PHF19: variants seen among roughly 807,000 people sequenced by gnomAD.
The protein encoded by PHF19 is polycomb like 3.
Under a neutral mutation model 79.8 loss-of-function variants are expected in PHF19, and 21 were observed. The ratio of observed to expected loss-of-function variants is 0.26; its 90% CI spans 0.19 to 0.38. The LOEUF (loss-of-function observed/expected upper bound fraction) is 0.38. PHF19 is among the 10% of genes least tolerant of loss of function. The probability of loss-of-function intolerance (pLI) is 1.00; values close to 1 mark genes in which losing one functional copy is unlikely to be tolerated. For missense variants in PHF19, 445 were observed against 744.2 expected (o/e 0.60, Z 4.68); for synonymous variants, 273 against 296.3 (o/e 0.92, Z 0.81).
chr9:120,877,310 G>A (rs1223733769), upstream of PHF19: 10 of 974,352 alleles, frequency 1.0e-5, no homozygotes, highest in East Asian at 9.2e-4. Context: ...CCCCCCGGGC[G>A]CGGGGCGCCA....
chr9:120,872,524 C>CTA (rs2131552317), intron 3 of PHF19, among the ~76,000 whole-genome samples: 1 of 152,220 alleles, frequency 6.6e-6, no homozygotes, highest in South Asian at 2.1e-4. Context: ...TTATATAATA[C>CTA]TATTTCAGGG....
Position 120,862,822 on chromosome 9 carries a change from T to C in PHF19, c.969-73A>G, listed in dbSNP as rs1160103434. 2.8e-6 allele frequency: 4 copies of C among 1,421,250 alleles called. No homozygotes were observed. The East Asian group carries it at 9.1e-5, about 32-fold the overall frequency. 88.0% of individuals were successfully genotyped at this position (1,421,250 alleles called of 1,614,324 possible). On this transcript the variant is annotated intron_variant, in intron 10 of 14. Coordinates refer to ENST00000373896, the MANE Select transcript of PHF19 (RefSeq NM_015651.3). This position sits in a 1 kb window ranked among gnomAD's most constrained non-coding sequence, Gnocchi z 4.6. Reference sequence around the variant, plus strand: ...TCCTCCTGGGGAGTGGGGTCAAGCATGACACAAGCCTCTCTGCCTCCTTGG... The same window carrying C: ...TCCTCCTGGGGAGTGGGGTCAAGCACGACACAAGCCTCTCTGCCTCCTTGG...
intron 6 of PHF19, among the ~76,000 whole-genome samples, chr9:120,867,748 G>C (rs376222302): frequency 6.6e-6 from 1 of 152,360 alleles, no homozygotes; most frequent in South Asian, 2.1e-4. Flanking sequence ...TTTGAGAGAT[G>C]AAGTAGTTCA....
upstream of PHF19, among the ~76,000 whole-genome samples, chr9:120,878,672 G>A (rs1485055049): frequency 1.3e-5 from 2 of 152,092 alleles, no homozygotes; most frequent in Non-Finnish European, 2.9e-5. Context: ...TCTGCCCCTT[G>A]ATCCCCCTGC....
Position 120,869,752 on chromosome 9 carries a change from CTG to C in PHF19, c.465+91_465+92del. 1.3e-6 allele frequency: 2 copies of C among 1,588,326 alleles called. No individual in the cohort carries two copies. The highest frequency in any genetic ancestry group is 1.7e-6 in the Non-Finnish European group (2 of 1,167,236). On this transcript the variant is annotated intron_variant, in intron 5 of 14. Transcript: ENST00000373896. The surrounding 1 kb of genome is among the most constrained non-coding windows in gnomAD (Gnocchi z 5.8). ...TCTCCAAAGCCCAGGTGTGGCCCTT[CTG>C]CTTGGAGCTCAGACTCTGTGATGGG...
In PHF19 at chr9:120,860,497, T is replaced by A; in HGVS notation, c.1305-312A>T. ...GTGCTTTCATTTGCATTATCTTGTTTGAGGAAAAGAGCTGAGGAGGTTCAG... is the reference window on the plus strand; with the variant it reads ...GTGCTTTCATTTGCATTATCTTGTTAGAGGAAAAGAGCTGAGGAGGTTCAG... On this transcript the variant is annotated intron_variant, in intron 13 of 14. Coordinates refer to ENST00000373896, the MANE Select transcript of PHF19 (RefSeq NM_015651.3). This position sits in a 1 kb window ranked among gnomAD's most constrained non-coding sequence, Gnocchi z 4.1. The A allele has an allele frequency of 2.7e-6, 1 of 368,944 alleles. No homozygotes were observed. The highest frequency in any genetic ancestry group is 5.2e-6 in the Non-Finnish European group (1 of 193,130). The allele number at this position is 368,944 out of a possible 1,614,324, so 22.9% of individuals were successfully genotyped here.
chr9:120,899,524 C>G (rs2046424332), upstream of PHF19, among the ~76,000 whole-genome samples: 1 of 151,784 alleles, frequency 6.6e-6, no homozygotes, highest in Non-Finnish European at 1.5e-5. Context: ...TAAAAAGATT[C>G]TGTTATTCTT....
chr9:120,864,816 A>G (rs2045649256), intron 9 of PHF19, among the ~76,000 whole-genome samples: 1 of 152,234 alleles, frequency 6.6e-6, no homozygotes, highest in African/African-American at 2.4e-5. Context: ...AGATATACAT[A>G]GAAGAGAGTC....
At chr9:120,881,374 C>G (rs1014629610), upstream of PHF19, among the ~76,000 whole-genome samples, 7 of 152,086 alleles carry the variant, frequency 4.6e-5, no homozygotes, top group Non-Finnish European at 8.8e-5. Flanking sequence ...GTCTTGATCT[C>G]CTGACCTCGT....
At chr9:120,878,974 G>A (rs1038655993), upstream of PHF19, among the ~76,000 whole-genome samples, 1 of 152,228 alleles carries the variant, frequency 6.6e-6, no homozygotes, top group Admixed American at 6.5e-5. Flanking sequence ...GGGGGACAGA[G>A]ATGATAGAGC....
At position 120,869,413 on chromosome 9, in the gene PHF19, T is replaced by C. The variant is rs939861124; in HGVS notation, c.466-83A>G. 6.7e-7 allele frequency: 1 copy of C among 1,482,502 alleles called. No homozygotes were observed. Among genetic ancestry groups the C allele is most frequent in the Non-Finnish European group, 9.1e-7 (1 of 1,096,644 alleles). The allele number at this position is 1,482,502 out of a possible 1,614,324, so 91.8% of individuals were successfully genotyped here. On this transcript the variant is annotated intron_variant, in intron 5 of 14. Coordinates refer to ENST00000373896, the MANE Select transcript of PHF19 (RefSeq NM_015651.3). The surrounding 1 kb of genome is among the most constrained non-coding windows in gnomAD (Gnocchi z 5.8). ...GCACGCGGCTGTCTATTGAGGGAAG[T>C]GCTGCCAGGGCTTGGGGGACCCGCA... is the stretch of plus-strand genomic sequence containing the variant.
upstream of PHF19, among the ~76,000 whole-genome samples, chr9:120,877,557 G>A (rs577675429): frequency 1.3e-5 from 2 of 151,994 alleles, no homozygotes; most frequent in Admixed American, 6.5e-5. Flanking sequence ...CGCTCATGGC[G>A]CACACGACCG....
chr9:120,894,771 C>A (rs1156814399), intron 1 of PHF19: 2 of 1,222,552 alleles, frequency 1.6e-6, no homozygotes, highest in Non-Finnish European at 2.0e-6. Flanking sequence ...GGGTTCTTGT[C>A]GATCTCCCGG....
chr9:120,892,692 G>A (rs6478485), intron 1 of PHF19, among the ~76,000 whole-genome samples: 26,044 of 151,948 alleles, frequency 0.17, 3,726 homozygotes, highest in African/African-American at 0.39. Context: ...TCTGTTTTTC[G>A]TTTGATGCTT....
intron 1 of PHF19, among the ~76,000 whole-genome samples, chr9:120,876,817 CCTT>C (rs1311030471): frequency 7.2e-5 from 11 of 152,216 alleles, no homozygotes; most frequent in Non-Finnish European, 1.6e-4. Context: ...GCCCGTCTGT[CCTT>C]CCCCCACCCC....
Position 120,860,406 on chromosome 9 carries a change from G to A in PHF19, c.1305-221C>T, listed in dbSNP as rs968163064. On this transcript the variant is annotated intron_variant, in intron 13 of 14. Transcript: ENST00000373896. The surrounding 1 kb of genome is among the most constrained non-coding windows in gnomAD (Gnocchi z 4.1). ...TGGAGCACCCTCCCCTGGCGGTGACGTAAGCACTGGTGTCAATAACTCGAG... is the reference window on the plus strand; with the variant it reads ...TGGAGCACCCTCCCCTGGCGGTGACATAAGCACTGGTGTCAATAACTCGAG... The A allele has an allele frequency of 1.3e-5, 7 of 527,248 alleles. No homozygotes were observed. The highest frequency in any genetic ancestry group is 6.0e-5 in the South Asian group (3 of 49,628). 32.7% of individuals were successfully genotyped at this position (527,248 alleles called of 1,614,324 possible). A position where few individuals can be genotyped will look rare whatever the true frequency, so the allele number is the denominator to read the frequency against.
rs1475094739 is a variant in PHF19, at chr9:120,860,324, A to G, written c.1305-139T>C. 5 of 624,618 alleles carry G rather than the reference A, an allele frequency of 8.0e-6. No individual in the cohort carries two copies. In the East Asian group the frequency reaches 1.1e-4, roughly 14 times the overall value. The allele number at this position is 624,618 out of a possible 1,614,324, so 38.7% of individuals were successfully genotyped here. ...CCACAGCTGAGCTTCCCACCACCACACCTGTCTGTTTCCTACCCAGCCACC... is the reference window on the plus strand; with the variant it reads ...CCACAGCTGAGCTTCCCACCACCACGCCTGTCTGTTTCCTACCCAGCCACC... On this transcript the variant is annotated intron_variant, in intron 13 of 14. Transcript: ENST00000373896. The surrounding 1 kb of genome is among the most constrained non-coding windows in gnomAD (Gnocchi z 4.1).
At chr9:120,873,922 C>A in intron 3 of PHF19, 57 bp downstream of exon 3, 2 of 845,432 alleles carry the variant, frequency 2.4e-6, no homozygotes, top group Non-Finnish European at 2.0e-6. Context: ...ATGAAGGCAG[C>A]AGAGGAGAGA....
At chr9:120,887,073 A>AAAG (rs1554821910) in intron 1 of PHF19, among the ~76,000 whole-genome samples, 1 of 144,336 alleles carries the variant, frequency 6.9e-6, no homozygotes. Context: ...CTAAAAAAAA[A>AAAG]AAAAGAAAAG....
Sources: allele counts gnomAD v4.1 joint callset (sites outside exome capture counted in the v4.1 genomes callset), GRCh38; gene constraint gnomAD v4.1.1; non-coding constraint Gnocchi (gnomAD v3.1); transcripts MANE v1.5; gene names NCBI Gene and HGNC (gene_info 2026-07-23, HGNC 2026-07-21).